Variants in CIMIP2A observed in about 807,000 individuals in gnomAD.
CIMIP2A encodes the protein family with sequence similarity 166 member A.
the CIMIP2A span, chr9:137,243,680 A>G: frequency 1.2e-6 from 2 of 1,614,058 alleles, no homozygotes; most frequent in South Asian, 1.1e-5. Context: ...TGCTGTACAG[A>G]CACCACCATT....
At chr9:137,248,542 C>CAAAAA in the CIMIP2A span, among the ~76,000 whole-genome samples, 1 of 109,500 alleles carries the variant, frequency 9.1e-6, no homozygotes, top group Non-Finnish European at 1.8e-5. Context: ...GACTCTGTCT[C>CAAAAA]AAAAAAAAAA....
the CIMIP2A span, among the ~76,000 whole-genome samples, chr9:137,249,760 G>A: frequency 6.6e-6 from 1 of 152,234 alleles, no homozygotes; most frequent in African/African-American, 2.4e-5. Flanking sequence ...ACATGGAAGC[G>A]CCAGCCCCTC....
chr9:137,249,788 G>A, the CIMIP2A span, among the ~76,000 whole-genome samples: 4 of 152,192 alleles, frequency 2.6e-5, no homozygotes, highest in African/African-American at 9.7e-5. Flanking sequence ...CTCTCTCTAC[G>A]CTTCTTCATT....
chr9:137,249,158 T>C, the CIMIP2A span, among the ~76,000 whole-genome samples: 1 of 152,028 alleles, frequency 6.6e-6, no homozygotes, highest in Non-Finnish European at 1.5e-5. Context: ...GCCCGGCCAA[T>C]ATGACCTTTT....
the CIMIP2A span, among the ~76,000 whole-genome samples, chr9:137,249,568 C>G: frequency 6.6e-6 from 1 of 152,214 alleles, no homozygotes; most frequent in African/African-American, 2.4e-5. Flanking sequence ...AGGCAGGACG[C>G]TAACATTCTC....
chr9:137,252,509 T>C, the CIMIP2A span: 49 of 1,551,024 alleles, frequency 3.2e-5, no homozygotes, highest in Non-Finnish European at 4.2e-5. Context: ...AAAGCTGACT[T>C]CGACCAAGAG....
the CIMIP2A span, chr9:137,251,714 A>C: frequency 1.9e-6 from 3 of 1,553,498 alleles, no homozygotes; most frequent in Non-Finnish European, 2.6e-6. Context: ...GGGCTGAGAC[A>C]GTGGCTGCTG....
chr9:137,253,280 C>T, the CIMIP2A span: 126 of 1,585,672 alleles, frequency 7.9e-5, no homozygotes, highest in Non-Finnish European at 1.0e-4. Flanking sequence ...GCCCGGCCAC[C>T]GAGTGGAACC....
At chr9:137,244,342 G>C in the CIMIP2A span, 27 of 1,608,950 alleles carry the variant, frequency 1.7e-5, no homozygotes, top group Non-Finnish European at 2.2e-5. Context: ...CAAACAGATA[G>C]TCAAGTTGTC....
the CIMIP2A span, chr9:137,253,317 C>A: frequency 6.4e-7 from 1 of 1,554,518 alleles, no homozygotes. Context: ...CTTTCCCAGG[C>A]CTCCCCTGGG....
the CIMIP2A span, among the ~76,000 whole-genome samples, chr9:137,246,240 GAC>G: frequency 2.6e-5 from 4 of 152,242 alleles, no homozygotes; most frequent in African/African-American, 9.6e-5. Context: ...CGGACCCTTG[GAC>G]ACACGCAGGG....
chr9:137,248,929 G>A, the CIMIP2A span, among the ~76,000 whole-genome samples: 1 of 151,818 alleles, frequency 6.6e-6, no homozygotes, highest in Non-Finnish European at 1.5e-5. Context: ...TTTGCAGTAA[G>A]TGCTATGAAC....
At chr9:137,244,307 G>C in the CIMIP2A span, 1 of 1,613,146 alleles carries the variant, frequency 6.2e-7, no homozygotes, top group Non-Finnish European at 8.5e-7. Flanking sequence ...ACAGGAAGGT[G>C]CTAACAAGCT....
At chr9:137,247,051 C>G in the CIMIP2A span, among the ~76,000 whole-genome samples, 1 of 151,828 alleles carries the variant, frequency 6.6e-6, no homozygotes, top group African/African-American at 2.4e-5. Context: ...TTTGGGAGGC[C>G]GAGGTGGGCA....
chr9:137,245,692 G>A, the CIMIP2A span: 1 of 1,604,626 alleles, frequency 6.2e-7, no homozygotes, highest in South Asian at 1.1e-5. Context: ...AACCCTCGGG[G>A]GCTTGGACTG....
At chr9:137,244,742 G>T in the CIMIP2A span, 9 of 1,612,326 alleles carry the variant, frequency 5.6e-6, no homozygotes, top group Non-Finnish European at 7.6e-6. Context: ...ATAGCCTGGG[G>T]GTAGGCAGAT....
chr9:137,244,542 CAG>C, the CIMIP2A span: 1 of 1,544,636 alleles, frequency 6.5e-7, no homozygotes, highest in South Asian at 1.2e-5. Flanking sequence ...TCAGGCTTCT[CAG>C]GGAACCTGGC....
At chr9:137,253,596 G>A in the CIMIP2A span, 1 of 1,048,900 alleles carries the variant, frequency 9.5e-7, no homozygotes, top group Non-Finnish European at 1.3e-6. Flanking sequence ...AGCTGCCCCT[G>A]AAAGGTGCTC....
At chr9:137,251,053 C>G in the CIMIP2A span, 491,386 of 538,870 alleles carry the variant, frequency 0.91, 224,738 homozygotes, top group East Asian at 0.98. Flanking sequence ...GGAAAGGTTG[C>G]GGGGAGGGAG....
Sources: allele counts gnomAD v4.1 joint callset (sites outside exome capture counted in the v4.1 genomes callset), GRCh38; gene constraint gnomAD v4.1.1; transcripts MANE v1.5; gene names NCBI Gene and HGNC (gene_info 2026-07-23, HGNC 2026-07-21).